Variants in CEMIP2 observed in about 807,000 individuals in gnomAD.
CEMIP2 encodes the protein cell migration inducing hyaluronidase 2, also known as cell surface hyaluronidase CEMIP2.
Under a neutral mutation model 146.9 loss-of-function variants are expected in CEMIP2, and 79 were observed. The observed-to-expected ratio is 0.54, with a 90% CI of 0.45 to 0.65. CEMIP2 has a LOEUF of 0.65. Ranked by LOEUF, CEMIP2 falls within the 30% of genes least tolerant of loss-of-function variation. CEMIP2 has a pLI of 0.00. For missense variants in CEMIP2, 1,596 were observed against 1,696.2 expected (o/e 0.94, Z 1.04); for synonymous variants, 601 against 606.3 (o/e 0.99, Z 0.13).
At position 71,732,437 on chromosome 9, in the gene CEMIP2, C is replaced by A; in HGVS notation, c.1477G>T (p.Val493Leu). Residue 493 changes from valine to leucine, a missense_variant, in exon 7 of 24, where the codon GTG becomes TTG. Val to Leu is a conservative substitution (Grantham distance 32). Coordinates refer to ENST00000377044, the MANE Select transcript of CEMIP2 (RefSeq NM_013390.3). ...AEVGILTRNIVIQGEVEDSCY... is the reference protein window; with the variant it reads ...AEVGILTRNILIQGEVEDSCY... Reference sequence around the variant, plus strand: ...GAGTCCTCCACTTCTCCTTGGATCACAATATTCCGGGTAAGAATTCCAACC... The same window carrying A: ...GAGTCCTCCACTTCTCCTTGGATCAAAATATTCCGGGTAAGAATTCCAACC... 2 of 1,614,014 alleles carry A rather than the reference C, an allele frequency of 1.2e-6. No homozygotes were observed. Among genetic ancestry groups the A allele is most frequent in the Non-Finnish European group, 1.7e-6 (2 of 1,180,006 alleles).
At chr9:71,705,634 T>C (rs1157400327) in intron 17 of CEMIP2, among the ~76,000 whole-genome samples, 1 of 151,850 alleles carries the variant, frequency 6.6e-6, no homozygotes, top group Non-Finnish European at 1.5e-5. Context: ...AATACTCTAC[T>C]GACACCGCTT....
intron 19 of CEMIP2, 121 bp downstream of exon 19, chr9:71,700,521 G>C (rs915582028): frequency 1.0e-6 from 1 of 980,880 alleles, no homozygotes; most frequent in African/African-American, 1.6e-5. Flanking sequence ...TAATAGAGAA[G>C]ATGTGCAGAG....
At chr9:71,741,185 A>ATTTTT (rs79872255) in intron 4 of CEMIP2, among the ~76,000 whole-genome samples, 4 of 72,242 alleles carry the variant, frequency 5.5e-5, no homozygotes, top group Non-Finnish European at 7.5e-5. Flanking sequence ...ACTGAGTTAG[A>ATTTTT]TTTTTTTTTT....
chr9:71,694,334 G>A (rs1448305371), intron 21 of CEMIP2, among the ~76,000 whole-genome samples, 175 bp downstream of exon 21: 2 of 152,038 alleles, frequency 1.3e-5, no homozygotes, highest in South Asian at 2.1e-4. Context: ...CACCATGTTA[G>A]CCAGGATGGT....
At position 71,725,726 on chromosome 9, in the gene CEMIP2, A is replaced by G; in HGVS notation, c.2050-17T>C. ...TCCAGCATCCTACAAATGAAAGGAC[A>G]AGCCCATTAAAAGCCTAATTTATAC... On this transcript the variant is annotated splice_polypyrimidine_tract_variant and intron_variant, in intron 10 of 23. Transcript: ENST00000377044. The G allele has an allele frequency of 6.2e-7, 1 of 1,608,524 alleles. No homozygotes were observed.
At position 71,734,800 on chromosome 9, in the gene CEMIP2, T is replaced by G; in HGVS notation, c.1393+6A>C. ...TTCCCAAGAAGTACTCTAAGCAGTT[T>G]AATACCTTTGACTTTGACCTGAAAA... On this transcript the variant is annotated splice_donor_region_variant and intron_variant, in intron 6 of 23. Coordinates refer to ENST00000377044, the MANE Select transcript of CEMIP2 (RefSeq NM_013390.3). 6.2e-7 allele frequency: 1 copy of G among 1,601,946 alleles called. No homozygotes were observed. The highest frequency in any genetic ancestry group is 8.5e-7 in the Non-Finnish European group (1 of 1,173,186).
At position 71,740,989 on chromosome 9, in the gene CEMIP2, C is replaced by G. The variant is rs558906362; in HGVS notation, c.1035-757G>C. Among the ~76,000 whole-genome samples the G allele has an allele frequency of 2.6e-5, 4 of 152,220 alleles. No homozygotes were observed. In the East Asian group the frequency reaches 5.8e-4, roughly 22 times the overall value. On this transcript the variant is annotated intron_variant, in intron 4 of 23. Transcript: ENST00000377044. ...AGGTTACCACATTATGTTAATGCTG[C>G]TGGTCAGGGCACCATACTTTGAAAA...
rs530618836 is a variant in CEMIP2 at position 71,750,213 on chromosome 9, C to T, written c.161G>A (p.Arg54Gln). The T allele has an allele frequency of 2.0e-5, 32 of 1,614,060 alleles. No individual in the cohort carries two copies. In the Middle Eastern group the frequency reaches 4.9e-4, roughly 25 times the overall value. Reference protein sequence around the residue: ...QASAKFTSIRREDRATFAFSP... With the variant: ...QASAKFTSIRQEDRATFAFSP... Reference sequence around the variant, plus strand: ...GAATGCGAAGGTTGCCCGGTCTTCTCGTCTGATGGAGGTAAATTTGGCTGA... The same window carrying T: ...GAATGCGAAGGTTGCCCGGTCTTCTTGTCTGATGGAGGTAAATTTGGCTGA... The change falls in exon 2 of 24, where the codon CGA (arginine) becomes CAA (glutamine). Residue 54 changes from arginine (R) to glutamine (Q), a missense_variant. Arg to Gln is a conservative substitution (Grantham distance 43). Coordinates refer to ENST00000377044, the MANE Select transcript of CEMIP2 (RefSeq NM_013390.3).
intron 20 of CEMIP2, among the ~76,000 whole-genome samples, chr9:71,695,044 G>A (rs892463939): frequency 1.3e-5 from 2 of 152,136 alleles, no homozygotes; most frequent in Non-Finnish European, 2.9e-5. Context: ...AACATGAGCA[G>A]GTCTCAACTC....
At chr9:71,728,230 T>TATA (rs1564012043) in intron 10 of CEMIP2, among the ~76,000 whole-genome samples, 2 of 20,662 alleles carry the variant, frequency 9.7e-5, no homozygotes, top group Non-Finnish European at 3.1e-4. Flanking sequence ...TCTCTCTCTC[T>TATA]CTATATATAT....
At chr9:71,717,916 C>A in intron 13 of CEMIP2, 32 bp downstream of exon 13, 1 of 1,573,656 alleles carries the variant, frequency 6.4e-7, no homozygotes, top group South Asian at 1.2e-5. Flanking sequence ...ACATCAGTGT[C>A]ATCATATAAT....
At chr9:71,745,705 T>C in intron 3 of CEMIP2, 126 bp from the exon 4 acceptor site, 1 of 963,458 alleles carries the variant, frequency 1.0e-6, no homozygotes, top group South Asian at 1.8e-5. Context: ...GCTAAGAATC[T>C]GCTTAGAAAA....
chr9:71,723,136 G>GAAAAAAAAAAAAAAA (rs33948828), intron 11 of CEMIP2, among the ~76,000 whole-genome samples: 5 of 104,216 alleles, frequency 4.8e-5, no homozygotes, highest in Middle Eastern at 6.3e-3. Context: ...AACAGCCAAA[G>GAAAAAAAAAAAAAAA]AAAAAAAAAA....
At chr9:71,755,961 C>CAAAAAA (rs55972127) in intron 1 of CEMIP2, among the ~76,000 whole-genome samples, 8 of 52,882 alleles carry the variant, frequency 1.5e-4, no homozygotes, top group African/African-American at 6.4e-4. Context: ...CTCTGTCTCA[C>CAAAAAA]AAAAAAAAAA....
At chr9:71,700,055 C>A (rs1014894989) in intron 19 of CEMIP2, among the ~76,000 whole-genome samples, 1 of 152,180 alleles carries the variant, frequency 6.6e-6, no homozygotes, top group Non-Finnish European at 1.5e-5. Context: ...TGAAGGAACA[C>A]GCTACCTGCT....
chr9:71,736,924 C>T (rs1039333281), intron 5 of CEMIP2, among the ~76,000 whole-genome samples: 1 of 151,864 alleles, frequency 6.6e-6, no homozygotes, highest in African/African-American at 2.4e-5. Flanking sequence ...TCCTGTAATC[C>T]CAACACTTTA....
intron 20 of CEMIP2, among the ~76,000 whole-genome samples, chr9:71,697,564 A>G (rs1822436711): frequency 6.6e-6 from 1 of 152,228 alleles, no homozygotes; most frequent in African/African-American, 2.4e-5. Flanking sequence ...CCACCTTATA[A>G]AAAGGAAACA....
At chr9:71,764,245 G>A (rs76401915) in intron 1 of CEMIP2, among the ~76,000 whole-genome samples, 2,480 of 152,144 alleles carry the variant, frequency 0.016, 67 homozygotes, top group African/African-American at 0.057. Context: ...TTTGTTACAA[G>A]TAACATCACC....
intron 1 of CEMIP2, among the ~76,000 whole-genome samples, chr9:71,751,649 G>A (rs958041099): frequency 2.0e-5 from 3 of 152,112 alleles, no homozygotes; most frequent in Non-Finnish European, 2.9e-5. Context: ...GGTGCAAACA[G>A]GGCCCTGGAT....
Sources: allele counts gnomAD v4.1 joint callset (sites outside exome capture counted in the v4.1 genomes callset), GRCh38; gene constraint gnomAD v4.1.1; transcripts MANE v1.5; gene names NCBI Gene and HGNC (gene_info 2026-07-23, HGNC 2026-07-21).